CTNNA3: variants seen among roughly 807,000 people sequenced by gnomAD.
CTNNA3 encodes catenin alpha 3, also known as catenin alpha-3.
A neutral mutation model predicts 95.7 loss-of-function variants in CTNNA3; 76 were observed. The observed-to-expected ratio is 0.79, with a 90% CI of 0.66 to 0.96. The LOEUF is 0.96. CTNNA3 is among the 40% of genes least tolerant of loss of function. CTNNA3 has a pLI of 0.00. For missense variants in CTNNA3, 1,191 were observed against 1,089.8 expected (o/e 1.09, Z -1.31); for synonymous variants, 431 against 374.4 (o/e 1.15, Z -1.74).
chr10:67,650,218 C>A (rs1049151977), intron 1 of CTNNA3, among the ~76,000 whole-genome samples: 2 of 152,176 alleles, frequency 1.3e-5, no homozygotes, highest in Non-Finnish European at 2.9e-5. Flanking sequence ...TTCTACACAA[C>A]CTTCATTTCA....
In CTNNA3 at chr10:67,237,134, A is replaced by ATATATATATATATATG. The variant is rs201634262; in HGVS notation, c.580-17265_580-17264insCATATATATATATATA. Among the ~76,000 whole-genome samples the ATATATATATATATATG allele has an allele frequency of 7.7e-4, 35 of 45,388 alleles. 1 individual carries two copies. Among genetic ancestry groups the ATATATATATATATATG allele is most frequent in the African/African-American group, 6.5e-3 (35 of 5,384 alleles). The allele number at this position is 45,388 out of a possible 152,430, so 29.8% of individuals were successfully genotyped here. On this transcript the variant is annotated intron_variant, in intron 5 of 17. Coordinates refer to ENST00000433211, the MANE Select transcript of CTNNA3 (RefSeq NM_013266.4). ...AAGAAACTATGGTGTATGTATATATATATATATATATATATATATATATAT... is the reference window on the plus strand; with the variant it reads ...AAGAAACTATGGTGTATGTATATATATATATATATATATATGTATATATATATATATATATATATAT...
intron 3 of CTNNA3, among the ~76,000 whole-genome samples, chr10:67,585,511 A>C (rs1483031772): frequency 1.3e-5 from 2 of 152,022 alleles, no homozygotes; most frequent in African/African-American, 4.8e-5. Flanking sequence ...CAATATTGCT[A>C]CTAATTATTG....
chr10:66,408,161 C>T (rs375362008), intron 11 of CTNNA3, among the ~76,000 whole-genome samples: 1 of 152,158 alleles, frequency 6.6e-6, no homozygotes, highest in Non-Finnish European at 1.5e-5. Flanking sequence ...ACTCAATGTA[C>T]AGTCAAATTC....
At chr10:66,806,768 G>GTGTA (rs1158474965) in intron 7 of CTNNA3, among the ~76,000 whole-genome samples, 1 of 122,892 alleles carries the variant, frequency 8.1e-6, no homozygotes, top group Non-Finnish European at 1.9e-5. Context: ...GTGTGTGTGT[G>GTGTA]TGTGTGTGTG....
chr10:67,218,490 C>A (rs561358596), intron 6 of CTNNA3, among the ~76,000 whole-genome samples: 1 of 152,238 alleles, frequency 6.6e-6, no homozygotes, highest in South Asian at 2.1e-4. Flanking sequence ...TTGGCCTAGG[C>A]TTTGCGGGTC....
chr10:66,145,058 CT>C lies in CTNNA3; in HGVS notation c.1885-41810del, dbSNP rs2083810752. Among the ~76,000 whole-genome samples the C allele has an allele frequency of 2.0e-5, 3 of 152,200 alleles. No individual in the cohort carries two copies. In the South Asian group the frequency reaches 6.2e-4, roughly 32 times the overall value. On this transcript the variant is annotated intron_variant, in intron 13 of 17. Coordinates refer to ENST00000433211, the MANE Select transcript of CTNNA3 (RefSeq NM_013266.4). ...TATACACTATTCTCTCCCTTGCTTT[CT>C]TTAATAATATTTCCTTATGAACAAC...
intron 7 of CTNNA3, among the ~76,000 whole-genome samples, chr10:66,899,159 A>G (rs1845618098): frequency 6.6e-6 from 1 of 152,226 alleles, no homozygotes; most frequent in Admixed American, 6.5e-5. Flanking sequence ...ATTATGAGTT[A>G]TCGCCACACA....
At chr10:66,498,920 G>A (rs1336062761) in intron 11 of CTNNA3, among the ~76,000 whole-genome samples, 3 of 152,066 alleles carry the variant, frequency 2.0e-5, no homozygotes, top group Admixed American at 1.3e-4. Context: ...GATCACTTTG[G>A]ACGTTACTCC....
At chr10:66,252,882 C>G (rs1226732956) in intron 13 of CTNNA3, among the ~76,000 whole-genome samples, 2 of 152,070 alleles carry the variant, frequency 1.3e-5, no homozygotes, top group Non-Finnish European at 2.9e-5. Context: ...TATTTATTAT[C>G]TTTATTTAAT....
intron 11 of CTNNA3, among the ~76,000 whole-genome samples, chr10:66,431,489 A>G (rs2093295245): frequency 6.6e-6 from 1 of 152,090 alleles, no homozygotes; most frequent in African/African-American, 2.4e-5. Flanking sequence ...AAGACTTGGA[A>G]CCAACCCAAA....
At chr10:66,264,608 T>G (rs1016589511) in intron 13 of CTNNA3, among the ~76,000 whole-genome samples, 3 of 152,000 alleles carry the variant, frequency 2.0e-5, no homozygotes, top group Non-Finnish European at 4.4e-5. Flanking sequence ...TGTTCAAAAT[T>G]TGTTGTGTGT....
At chr10:65,969,770 A>G (rs2078056463) in intron 16 of CTNNA3, among the ~76,000 whole-genome samples, 1 of 152,132 alleles carries the variant, frequency 6.6e-6, no homozygotes, top group Non-Finnish European at 1.5e-5. Flanking sequence ...GAGATATGGG[A>G]TTATGTAAAG....
intron 10 of CTNNA3, among the ~76,000 whole-genome samples, chr10:66,553,087 C>G (rs543489993): frequency 6.6e-6 from 1 of 152,032 alleles, no homozygotes; most frequent in African/African-American, 2.4e-5. Flanking sequence ...TTTCTCTATA[C>G]TAGCAGTATA....
In CTNNA3 at chr10:66,360,213, C is replaced by A. The variant is rs187859666; in HGVS notation, c.1732+18939G>T. The stretch of plus-strand genomic sequence containing the variant: ...AACACTGAACTTTTTTTTTTTTAAA[C>A]TCAGTCAATTTCTCATCCCTCTATC... On this transcript the variant is annotated intron_variant, in intron 12 of 17. Coordinates refer to ENST00000433211, the MANE Select transcript of CTNNA3 (RefSeq NM_013266.4). 5.5e-3 allele frequency among the ~76,000 whole-genome samples: 828 copies of A among 151,260 alleles called. 9 individuals are homozygous for A. Among genetic ancestry groups the A allele is most frequent in the African/African-American group, 0.014 (577 of 41,276 alleles).
intron 5 of CTNNA3, among the ~76,000 whole-genome samples, chr10:67,512,822 T>C (rs1331657703): frequency 6.6e-6 from 1 of 151,742 alleles, no homozygotes; most frequent in Non-Finnish European, 1.5e-5. Context: ...CCATCTCTAC[T>C]AAAAATACAA....
intron 1 of CTNNA3, among the ~76,000 whole-genome samples, chr10:67,748,908 C>T (rs1392037427): frequency 6.6e-6 from 1 of 152,022 alleles, no homozygotes; most frequent in Non-Finnish European, 1.5e-5. Flanking sequence ...CATGTCTTTG[C>T]ACATGTCTTT....
At chr10:66,531,406 G>A (rs1841462314) in intron 10 of CTNNA3, among the ~76,000 whole-genome samples, 2 of 152,130 alleles carry the variant, frequency 1.3e-5, no homozygotes, top group African/African-American at 4.8e-5. Context: ...GTTTGTTTTT[G>A]TGAGATGGAG....
chr10:66,842,963 G>T (rs1195651782), intron 7 of CTNNA3, among the ~76,000 whole-genome samples: 1 of 151,998 alleles, frequency 6.6e-6, no homozygotes, highest in African/African-American at 2.4e-5. Context: ...ATGAAAGAGG[G>T]GCTAGTCAAA....
At chr10:65,932,850 T>C (rs2077276024) in intron 17 of CTNNA3, among the ~76,000 whole-genome samples, 1 of 152,096 alleles carries the variant, frequency 6.6e-6, no homozygotes, top group African/African-American at 2.4e-5. Context: ...TGAATGGTGC[T>C]CCCCAGCTTC....
Sources: gnomAD v4.1 joint callset for allele counts (sites outside exome capture counted in the v4.1 genomes callset) on GRCh38, gnomAD v4.1.1 for gene constraint, MANE v1.5 for transcripts, NCBI Gene and HGNC (gene_info 2026-07-23, HGNC 2026-07-21) for gene names.